Variants in CRACR2A observed in about 807,000 individuals in gnomAD.
CRACR2A encodes the protein calcium release activated channel regulator 2A.
A neutral mutation model predicts 90.5 loss-of-function variants in CRACR2A; 79 were observed. That is an observed-to-expected ratio of 0.87 (90% CI 0.73 to 1.05). The LOEUF (loss-of-function observed/expected upper bound fraction) is 1.05. Ranked by LOEUF, CRACR2A falls within the 50% of genes least tolerant of loss-of-function variation. CRACR2A has a pLI of 0.00. For missense variants in CRACR2A, 823 were observed against 897.2 expected, an observed-to-expected ratio of 0.92 and a Z score of 1.06; for synonymous variants, 338 against 356.7, an observed-to-expected ratio of 0.95 and a Z score of 0.59.
chr12:3,692,531 G>T (rs1412323944), intron 4 of CRACR2A, among the ~76,000 whole-genome samples: 1 of 151,940 alleles, frequency 6.6e-6, no homozygotes, highest in Non-Finnish European at 1.5e-5. Context: ...GGGGTTGGGG[G>T]TGAGGTGCTT....
In CRACR2A at chr12:3,619,331, A is replaced by G. The variant is rs1867763762; in HGVS notation, c.1974T>C (p.Asn658=). The G allele has an allele frequency of 1.9e-6, 3 of 1,551,634 alleles. No individual in the cohort carries two copies. Among genetic ancestry groups the G allele is most frequent in the Non-Finnish European group, 8.7e-7 (1 of 1,146,982 alleles). The stretch of plus-strand genomic sequence containing the variant: ...CCCGCTCCTTCTCGTTGTCAAGCTT[A>G]TTACCCAGCAGAAGAACAGGCACCC... ...GDRVPVLLLG[N]KLDNEKEREV... The change falls in exon 18 of 20, where the codon AAT becomes AAC. Residue 658 remains asparagine, a synonymous_variant. Transcript: ENST00000440314.
Position 3,745,714 on chromosome 12 carries a change from GT to G in CRACR2A, c.-387+7300del, listed in dbSNP as rs537360783. Among the ~76,000 whole-genome samples the G allele has an allele frequency of 1.4e-3, 213 of 150,956 alleles. 2 individuals carry two copies. The highest frequency in any genetic ancestry group is 4.9e-3 in the African/African-American group (201 of 41,038). On this transcript the variant is annotated intron_variant, in intron 1 of 19. Transcript: ENST00000440314. ...GCTTGAACCCAGGAGGTGTAGGTAG[GT>G]TGCAGTGAGCCAAGATCATGCCATT...
At chr12:3,727,519 A>G (rs1946291350) in intron 2 of CRACR2A, 1 of 152,172 alleles carries the variant, frequency 6.6e-6, no homozygotes, top group African/African-American at 2.4e-5. Context: ...GTCACTGCAT[A>G]TTGTACTGTG....
chr12:3,652,340 A>T (rs1055183779), intron 10 of CRACR2A, among the ~76,000 whole-genome samples: 1 of 152,220 alleles, frequency 6.6e-6, no homozygotes, highest in Admixed American at 6.5e-5. Context: ...CCTGTTCTCA[A>T]TGAGGAGGAA....
intron 18 of CRACR2A, 62 bp downstream of exon 18, chr12:3,619,209 A>T (rs1867757460): frequency 1.4e-6 from 2 of 1,388,502 alleles, no homozygotes; most frequent in Non-Finnish European, 2.0e-6. Context: ...GCTCTTGGGC[A>T]CTTGCCCAAC....
intron 7 of CRACR2A, among the ~76,000 whole-genome samples, chr12:3,668,633 T>G (rs572119263): frequency 6.6e-6 from 1 of 152,218 alleles, no homozygotes; most frequent in Admixed American, 6.5e-5. Context: ...TGAAAAGCTT[T>G]GGGGACAGTT....
At chr12:3,667,503 A>T (rs980509128) in intron 7 of CRACR2A, among the ~76,000 whole-genome samples, 1 of 152,068 alleles carries the variant, frequency 6.6e-6, no homozygotes, top group African/African-American at 2.4e-5. Context: ...TGTTACCCAC[A>T]TTCCCTCCCA....
chr12:3,622,996 G>A (rs1233701896), intron 17 of CRACR2A, among the ~76,000 whole-genome samples: 1 of 152,228 alleles, frequency 6.6e-6, no homozygotes, highest in Non-Finnish European at 1.5e-5. Context: ...TAGCAGCCCA[G>A]GAAGGGAGAG....
In CRACR2A at chr12:3,644,495, G is replaced by A. The variant is rs529966591; in HGVS notation, c.1164+100C>T. The A allele has an allele frequency of 1.4e-4, 175 of 1,224,374 alleles. No homozygotes were observed. The African/African-American group carries it at 2.3e-3, about 16-fold the overall frequency. The allele number at this position is 1,224,374 out of a possible 1,614,324, so 75.8% of individuals were successfully genotyped here. On this transcript the variant is annotated intron_variant, in intron 12 of 19. Coordinates refer to ENST00000440314, the MANE Select transcript of CRACR2A (RefSeq NM_001144958.2). ...GCCGTCATCCTGCCAAATAGATCCC[G>A]AGTGTCAGGACATTGCTGGGCCAGT...
intron 3 of CRACR2A, among the ~76,000 whole-genome samples, chr12:3,700,130 C>T (rs191941826): frequency 6.6e-6 from 1 of 152,164 alleles, no homozygotes; most frequent in South Asian, 2.1e-4. Flanking sequence ...TTTAAAAAGA[C>T]ATCTACTCTC....
At chr12:3,644,760 CTGTG>C in intron 11 of CRACR2A, 120 bp from the exon 12 acceptor site, 2 of 844,642 alleles carry the variant, frequency 2.4e-6, no homozygotes, top group Non-Finnish European at 4.0e-6. Context: ...ACAGGGGAGT[CTGTG>C]GAATCTCCTT....
chr12:3,728,988 T>C (rs533663214), intron 2 of CRACR2A: 10 of 152,198 alleles, frequency 6.6e-5, no homozygotes, highest in Admixed American at 4.6e-4. Context: ...CCATGGCGTA[T>C]TTGTCTCTTT....
At chr12:3,718,339 G>A (rs777412367) in intron 2 of CRACR2A, among the ~76,000 whole-genome samples, 37 of 152,186 alleles carry the variant, frequency 2.4e-4, no homozygotes, top group Non-Finnish European at 5.1e-4. Context: ...GGAACCGAGG[G>A]CCCTGGGTGA....
At chr12:3,660,829 AAC>A (rs58293233) in intron 7 of CRACR2A, among the ~76,000 whole-genome samples, 6,582 of 119,270 alleles carry the variant, frequency 0.055, 201 homozygotes, top group African/African-American at 0.076. Flanking sequence ...CTGAACATGC[AAC>A]ACACACACAC....
At chr12:3,728,647 C>G (rs1946309748) in intron 2 of CRACR2A, 1 of 152,302 alleles carries the variant, frequency 6.6e-6, no homozygotes, top group South Asian at 2.1e-4. Flanking sequence ...TTTTGCCCCG[C>G]TGGAAGAATG....
chr12:3,673,256 T>C (rs1176693712), intron 7 of CRACR2A, among the ~76,000 whole-genome samples, 190 bp downstream of exon 7: 1 of 152,208 alleles, frequency 6.6e-6, no homozygotes, highest in Non-Finnish European at 1.5e-5. Flanking sequence ...GCCTACCATA[T>C]AGCTTAAAAA....
chr12:3,702,681 G>A (rs901723749), intron 3 of CRACR2A, among the ~76,000 whole-genome samples: 3 of 152,116 alleles, frequency 2.0e-5, no homozygotes, highest in Admixed American at 6.5e-5. Flanking sequence ...TCATGGGATC[G>A]AGAGACTCAA....
chr12:3,650,806 C>G (rs1944781624), intron 10 of CRACR2A, among the ~76,000 whole-genome samples: 1 of 152,194 alleles, frequency 6.6e-6, no homozygotes, highest in Non-Finnish European at 1.5e-5. Flanking sequence ...TACACAGCAC[C>G]AGTGACCACT....
At chr12:3,708,655 G>T (rs1375123373) in intron 3 of CRACR2A, among the ~76,000 whole-genome samples, 1 of 152,170 alleles carries the variant, frequency 6.6e-6, no homozygotes, top group Non-Finnish European at 1.5e-5. Context: ...TCGTTCTCCT[G>T]ACCTCGTGAT....
Sources: gnomAD v4.1 joint callset for allele counts (sites outside exome capture counted in the v4.1 genomes callset) on GRCh38, gnomAD v4.1.1 for gene constraint, MANE v1.5 for transcripts, NCBI Gene and HGNC (gene_info 2026-07-23, HGNC 2026-07-21) for gene names.